Variants in CRIM1 observed in about 807,000 individuals in gnomAD.
CRIM1 encodes the protein cysteine rich transmembrane BMP regulator 1, also known as cysteine-rich motor neuron 1 protein.
Under a neutral mutation model 116.4 loss-of-function variants are expected in CRIM1, and 32 were observed. The ratio of observed to expected loss-of-function variants is 0.27; its 90% CI spans 0.21 to 0.37. The LOEUF is 0.37. Ranked by LOEUF, CRIM1 falls within the 10% of genes least tolerant of loss-of-function variation. The pLI is 1.00. For synonymous variants in CRIM1, 590 were observed against 509.2 expected, an observed-to-expected ratio of 1.16 and a Z score of -2.13; for missense variants, 1,331 against 1,354.8, an observed-to-expected ratio of 0.98 and a Z score of 0.28.
intron 12 of CRIM1, among the ~76,000 whole-genome samples, chr2:36,520,657 T>G (rs1665326612): frequency 1.3e-5 from 2 of 152,166 alleles, no homozygotes; most frequent in African/African-American, 4.8e-5. Context: ...TTACTCAGTT[T>G]AAAGGAGAGG....
chr2:36,499,623 A>T (rs1680847607), intron 8 of CRIM1, among the ~76,000 whole-genome samples: 1 of 152,110 alleles, frequency 6.6e-6, no homozygotes, highest in South Asian at 2.1e-4. Flanking sequence ...CCAGCCACCC[A>T]GAACGCTCTC....
rs552044086 is a variant in CRIM1, at chr2:36,541,673, T to TA, written c.2624-2703_2624-2702insA. Among the ~76,000 whole-genome samples the TA allele has an allele frequency of 2.2e-3, 331 of 152,290 alleles. 1 individual carries two copies. Among genetic ancestry groups the TA allele is most frequent in the Admixed American group, 0.01 (154 of 15,294 alleles). ...AAAATATATCCCCAGTAAATTATCT[T>TA]GAGTTCCTCCAAAGCGCAGGTCAAG... On this transcript the variant is annotated intron_variant, in intron 14 of 16. Transcript: ENST00000280527.
At position 36,501,215 on chromosome 2, in the gene CRIM1, C is replaced by A. The variant is rs1680959566; in HGVS notation, c.1501+1868C>A. ...GCCTGTGGTTGTAATTACCATGGCT[C>A]AGAGACTTGGACTTAACGTAGACAG... On this transcript the variant is annotated intron_variant, in intron 8 of 16. Coordinates refer to ENST00000280527, the MANE Select transcript of CRIM1 (RefSeq NM_016441.3). 2.6e-5 allele frequency among the ~76,000 whole-genome samples: 4 copies of A among 152,274 alleles called. No individual in the cohort carries two copies. In the South Asian group the frequency reaches 8.3e-4, roughly 32 times the overall value.
intron 5 of CRIM1, among the ~76,000 whole-genome samples, chr2:36,468,004 A>G (rs1011328405): frequency 2.0e-5 from 3 of 152,214 alleles, no homozygotes; most frequent in African/African-American, 7.2e-5. Context: ...CAAAGGCAAA[A>G]TATTAAAATA....
At position 36,441,463 on chromosome 2, in the gene CRIM1, G is replaced by T. The variant is rs563214598; in HGVS notation, c.711G>T (p.Lys237Asn). Residue 237 changes from lysine to asparagine, a missense_variant, in exon 3 of 17, where the codon AAG becomes AAT. Lys to Asn is a moderately conservative substitution (Grantham distance 94, BLOSUM62 0). Coordinates refer to ENST00000280527, the MANE Select transcript of CRIM1 (RefSeq NM_016441.3). ...TACTAGTGTCAAAAGCCTCAGGGAAGCCGGGAGAGTGCTGTGACCTCTATG... is the reference window on the plus strand; with the variant it reads ...TACTAGTGTCAAAAGCCTCAGGGAATCCGGGAGAGTGCTGTGACCTCTATG... ...LNILVSKASGKPGECCDLYEC... is the reference protein window; with the variant it reads ...LNILVSKASGNPGECCDLYEC... 8.1e-6 allele frequency: 13 copies of T among 1,613,194 alleles called. No homozygotes were observed. In the South Asian group the frequency reaches 1.1e-4, roughly 14 times the overall value.
intron 13 of CRIM1, among the ~76,000 whole-genome samples, chr2:36,532,859 A>C (rs1322274740): frequency 6.6e-6 from 1 of 152,220 alleles, no homozygotes; most frequent in Admixed American, 6.5e-5. Context: ...CATGCTTAAC[A>C]CAGGGCCTGG....
chr2:36,527,601 A>G (rs1665841629), intron 13 of CRIM1, among the ~76,000 whole-genome samples: 1 of 152,322 alleles, frequency 6.6e-6, no homozygotes, highest in African/African-American at 2.4e-5. Flanking sequence ...TCAAGTCAAT[A>G]CATTATTCCT....
intron 4 of CRIM1, among the ~76,000 whole-genome samples, chr2:36,445,252 G>A (rs1484664631): frequency 6.6e-6 from 1 of 152,086 alleles, no homozygotes; most frequent in Non-Finnish European, 1.5e-5. Flanking sequence ...TCAAATCCTT[G>A]CACTTTTCCC....
chr2:36,436,967 G>C (rs1453398982), intron 2 of CRIM1, among the ~76,000 whole-genome samples: 2 of 152,130 alleles, frequency 1.3e-5, no homozygotes, highest in African/African-American at 4.8e-5. Context: ...TATAACCAAA[G>C]CAATATTTGA....
At chr2:36,441,764 T>C (rs1323212077) in intron 3 of CRIM1, among the ~76,000 whole-genome samples, 1 of 152,184 alleles carries the variant, frequency 6.6e-6, no homozygotes, top group Non-Finnish European at 1.5e-5. Context: ...CAAAGTATGC[T>C]TGACTGGGGA....
intron 12 of CRIM1, among the ~76,000 whole-genome samples, chr2:36,521,461 A>G (rs1383850163): frequency 6.6e-6 from 1 of 152,234 alleles, no homozygotes; most frequent in Non-Finnish European, 1.5e-5. Context: ...ATCCAGCTAC[A>G]ATTTGTAAGT....
intron 13 of CRIM1, among the ~76,000 whole-genome samples, chr2:36,535,151 GA>G (rs1666449804): frequency 7.6e-6 from 1 of 132,220 alleles, no homozygotes; most frequent in Non-Finnish European, 1.6e-5. Flanking sequence ...AGGAAGGAGA[GA>G]GGGGGAAGGA....
At chr2:36,517,614 C>A in intron 12 of CRIM1, 72 bp downstream of exon 12, 1 of 1,477,060 alleles carries the variant, frequency 6.8e-7, no homozygotes, top group Non-Finnish European at 9.2e-7. Context: ...TTCTGTGGGA[C>A]CCACAGGGCA....
chr2:36,442,338 GCTAA>G (rs1387450610), intron 3 of CRIM1, among the ~76,000 whole-genome samples: 1 of 151,726 alleles, frequency 6.6e-6, no homozygotes, highest in African/African-American at 2.4e-5. Context: ...AATGCCTCTG[GCTAA>G]CTGTCACTAT....
At chr2:36,369,558 G>A (rs1245374671) in intron 1 of CRIM1, among the ~76,000 whole-genome samples, 1 of 152,156 alleles carries the variant, frequency 6.6e-6, no homozygotes, top group Non-Finnish European at 1.5e-5. Flanking sequence ...AATGTTTGCA[G>A]GGGGAGCTTT....
intron 7 of CRIM1, among the ~76,000 whole-genome samples, chr2:36,483,803 A>G (rs540311582): frequency 6.6e-6 from 1 of 152,338 alleles, no homozygotes; most frequent in African/African-American, 2.4e-5. Flanking sequence ...CCCTTCATAC[A>G]GATCTTCTTT....
intron 2 of CRIM1, among the ~76,000 whole-genome samples, chr2:36,439,601 G>A (rs1233744050): frequency 2.6e-5 from 4 of 152,008 alleles, no homozygotes; most frequent in Admixed American, 6.6e-5. Context: ...ACAAGCCTGC[G>A]TCAGCAGTTC....
intron 7 of CRIM1, among the ~76,000 whole-genome samples, chr2:36,482,824 A>G (rs1225468759): frequency 6.6e-6 from 1 of 152,210 alleles, no homozygotes; most frequent in African/African-American, 2.4e-5. Context: ...AACTAACAGC[A>G]TCACTAAATA....
intron 4 of CRIM1, among the ~76,000 whole-genome samples, chr2:36,462,672 C>T (rs1409318111): frequency 2.0e-5 from 3 of 151,878 alleles, no homozygotes; most frequent in South Asian, 2.1e-4. Flanking sequence ...GCTATTCTTG[C>T]GGGATGCTTT....
Sources: gnomAD v4.1 joint callset for allele counts (sites outside exome capture counted in the v4.1 genomes callset) on GRCh38, gnomAD v4.1.1 for gene constraint, MANE v1.5 for transcripts, NCBI Gene and HGNC (gene_info 2026-07-23, HGNC 2026-07-21) for gene names.